Variants in ARB2A observed in about 807,000 individuals in gnomAD.
The protein encoded by ARB2A is cotranscriptional regulator ARB2A.
chr5:93,617,756 A>T, the ARB2A span, among the ~76,000 whole-genome samples: 1 of 152,166 alleles, frequency 6.6e-6, no homozygotes, highest in African/African-American at 2.4e-5. Flanking sequence ...TTTATGGCAT[A>T]TTCAAGTGTA....
chr5:93,826,257 T>G, the ARB2A span, among the ~76,000 whole-genome samples: 1 of 152,196 alleles, frequency 6.6e-6, no homozygotes. Context: ...CTTAGAAGCT[T>G]GAACACTAAA....
At chr5:93,831,001 C>T in the ARB2A span, among the ~76,000 whole-genome samples, 5 of 152,118 alleles carry the variant, frequency 3.3e-5, no homozygotes, top group Non-Finnish European at 5.9e-5. Context: ...ACCTAGATCC[C>T]TCACATGCGC....
chr5:93,700,671 C>A, the ARB2A span, among the ~76,000 whole-genome samples: 2 of 152,034 alleles, frequency 1.3e-5, no homozygotes, highest in African/African-American at 4.8e-5. Flanking sequence ...ATAGAGATGG[C>A]AACAAAATGC....
At chr5:94,085,139 A>G in the ARB2A span, among the ~76,000 whole-genome samples, 1 of 152,212 alleles carries the variant, frequency 6.6e-6, no homozygotes, top group Admixed American at 6.5e-5. Flanking sequence ...GCAATCTCAC[A>G]CCTTGGTCCA....
the ARB2A span, among the ~76,000 whole-genome samples, chr5:93,661,869 C>T: frequency 1.6e-4 from 24 of 151,924 alleles, no homozygotes; most frequent in Non-Finnish European, 2.6e-4. Context: ...TCAAGTCAGA[C>T]TAGAGGGACC....
the ARB2A span, among the ~76,000 whole-genome samples, chr5:93,744,086 G>A: frequency 2.8e-3 from 421 of 152,268 alleles, 2 homozygotes; most frequent in Admixed American, 4.1e-3. Context: ...TGTGAGCAAA[G>A]CTTTATTATA....
chr5:93,705,764 T>A, the ARB2A span, among the ~76,000 whole-genome samples: 1 of 151,976 alleles, frequency 6.6e-6, no homozygotes, highest in Non-Finnish European at 1.5e-5. Flanking sequence ...TCAGAGAGCA[T>A]AGAGTAAATG....
chr5:93,719,332 G>C, the ARB2A span, among the ~76,000 whole-genome samples: 2 of 152,130 alleles, frequency 1.3e-5, no homozygotes, highest in African/African-American at 4.8e-5. Context: ...AAGAATCTTA[G>C]AGCTGGAAAG....
the ARB2A span, among the ~76,000 whole-genome samples, chr5:93,748,451 A>T: frequency 6.6e-6 from 1 of 152,118 alleles, no homozygotes; most frequent in African/African-American, 2.4e-5. Flanking sequence ...TAGAATTAGA[A>T]CTTAGATACT....
the ARB2A span, among the ~76,000 whole-genome samples, chr5:94,080,594 C>T: frequency 1.3e-5 from 2 of 152,166 alleles, no homozygotes; most frequent in Admixed American, 6.5e-5. Flanking sequence ...TCAGAGCTGG[C>T]CTCAGGTGCA....
chr5:93,883,795 T>C, the ARB2A span, among the ~76,000 whole-genome samples: 3 of 151,378 alleles, frequency 2.0e-5, no homozygotes, highest in Non-Finnish European at 4.4e-5. Context: ...AAGGTCACCA[T>C]AGGCCAAAAA....
At chr5:93,845,454 T>C in the ARB2A span, among the ~76,000 whole-genome samples, 1 of 152,232 alleles carries the variant, frequency 6.6e-6, no homozygotes, top group African/African-American at 2.4e-5. Context: ...TAATGGCCTA[T>C]ACTAAGTGAA....
At chr5:94,030,881 G>C in the ARB2A span, among the ~76,000 whole-genome samples, 2 of 152,214 alleles carry the variant, frequency 1.3e-5, no homozygotes, top group African/African-American at 2.4e-5. Flanking sequence ...TGCCCTTTTG[G>C]AACACCTGTT....
the ARB2A span, among the ~76,000 whole-genome samples, chr5:93,637,380 A>G: frequency 7.2e-5 from 6 of 83,182 alleles, no homozygotes; most frequent in African/African-American, 2.9e-4. Flanking sequence ...TTTTTTGACT[A>G]TTATGACTAA....
the ARB2A span, among the ~76,000 whole-genome samples, chr5:93,731,792 T>C: frequency 6.6e-6 from 1 of 152,304 alleles, no homozygotes; most frequent in African/African-American, 2.4e-5. Context: ...CAGTTATTCC[T>C]TTGAAGAAGA....
chr5:93,761,915 C>T, the ARB2A span, among the ~76,000 whole-genome samples: 1 of 152,214 alleles, frequency 6.6e-6, no homozygotes, highest in Non-Finnish European at 1.5e-5. Context: ...TGCTGTTCTG[C>T]AGCCTCTGCT....
the ARB2A span, among the ~76,000 whole-genome samples, chr5:93,914,231 C>T: frequency 1.3e-5 from 2 of 151,940 alleles, no homozygotes; most frequent in Admixed American, 1.3e-4. Flanking sequence ...GTAACCATGG[C>T]TAATATAGAG....
the ARB2A span, among the ~76,000 whole-genome samples, chr5:93,857,504 C>T: frequency 6.6e-6 from 1 of 152,088 alleles, no homozygotes; most frequent in Non-Finnish European, 1.5e-5. Context: ...CGCCCCTCCC[C>T]GAGCCTCGCT....
At chr5:93,660,695 T>C in the ARB2A span, among the ~76,000 whole-genome samples, 1 of 152,038 alleles carries the variant, frequency 6.6e-6, no homozygotes, top group Non-Finnish European at 1.5e-5. Context: ...GAAAGAGGTA[T>C]GAAAAGCTGC....
Sources: allele counts gnomAD v4.1 joint callset (sites outside exome capture counted in the v4.1 genomes callset), GRCh38; gene constraint gnomAD v4.1.1; transcripts MANE v1.5; gene names NCBI Gene and HGNC (gene_info 2026-07-23, HGNC 2026-07-21).